ZDHHC15: variants seen among roughly 807,000 people sequenced by gnomAD.
ZDHHC15 encodes the protein zDHHC palmitoyltransferase 15.
Under a neutral mutation model 31.7 loss-of-function variants are expected in ZDHHC15, and 19 were observed. That is an observed-to-expected ratio of 0.60 (90% CI 0.42 to 0.88). The LOEUF (loss-of-function observed/expected upper bound fraction) is 0.88, where lower values mean the gene tolerates loss of function less well. Ranked by LOEUF, ZDHHC15 falls within the 40% of genes least tolerant of loss-of-function variation. The pLI, the probability that ZDHHC15 is intolerant of heterozygous loss-of-function variation, is 0.00. For synonymous variants in ZDHHC15, 103 were observed against 90.0 expected (o/e 1.14, Z -0.82); for missense variants, 209 against 251.2 (o/e 0.83, Z 1.14).
chrX:75,384,600 T>C, intron 10 of ZDHHC15: 1 of 821,047 alleles, frequency 1.2e-6, no homozygotes, highest in East Asian at 3.3e-5. Flanking sequence ...GCAAGATTCT[T>C]GCCAAGAGAA....
chrX:75,440,451 T>C (rs2083923531), intron 4 of ZDHHC15, among the ~76,000 whole-genome samples: 1 of 111,411 alleles, frequency 9.0e-6, no homozygotes, highest in African/African-American at 3.3e-5. Context: ...AGCTAATTTT[T>C]TGTATTTTTA....
rs375190582 is a variant in ZDHHC15, at chrX:75,464,056, C to A, written c.259-13134G>T. ...AACCCAAATGTCCAACAATGATAGA[C>A]TGGATTAAGGAAATGTGGCACATAT... On this transcript the variant is annotated intron_variant, in intron 3 of 11. Coordinates refer to ENST00000373367, the MANE Select transcript of ZDHHC15 (RefSeq NM_144969.3). Among the ~76,000 whole-genome samples, 3 of 111,903 alleles carry A rather than the reference C, an allele frequency of 2.7e-5. No individual in the cohort carries two copies. In the Admixed American group the frequency reaches 2.9e-4, roughly 11 times the overall value.
chrX:75,504,908 C>G (rs757676570), intron 2 of ZDHHC15, among the ~76,000 whole-genome samples: 1 of 111,336 alleles, frequency 9.0e-6, no homozygotes, highest in East Asian at 2.8e-4. Flanking sequence ...CATACATTTA[C>G]TCATTATATC....
intron 10 of ZDHHC15, among the ~76,000 whole-genome samples, chrX:75,399,263 G>T (rs2083330754): frequency 8.9e-6 from 1 of 111,742 alleles, no homozygotes; most frequent in Admixed American, 9.4e-5. Context: ...CCTGGACAGA[G>T]CCTCCAGGGG....
intron 1 of ZDHHC15, among the ~76,000 whole-genome samples, chrX:75,509,307 T>C (rs919286983): frequency 2.7e-5 from 3 of 112,001 alleles, no homozygotes; most frequent in Non-Finnish European, 5.6e-5. Flanking sequence ...CTTCAACATG[T>C]TATCCACATA....
intron 3 of ZDHHC15, among the ~76,000 whole-genome samples, chrX:75,476,677 G>A (rs2084610060): frequency 9.9e-6 from 1 of 101,429 alleles, no homozygotes; most frequent in African/African-American, 3.6e-5. Context: ...ATTTGTGCCT[G>A]TACTCTTTTT....
intron 2 of ZDHHC15, among the ~76,000 whole-genome samples, chrX:75,483,693 C>A (rs1042041576): frequency 7.1e-5 from 8 of 111,948 alleles, no homozygotes; most frequent in African/African-American, 2.6e-4. Flanking sequence ...GGCCAATATG[C>A]CTTGGGGAAT....
At chrX:75,468,296 C>T (rs779591468) in intron 3 of ZDHHC15, among the ~76,000 whole-genome samples, 24 of 111,361 alleles carry the variant, frequency 2.2e-4, no homozygotes, top group Admixed American at 7.6e-4. Flanking sequence ...CCGCCTGCCT[C>T]GGCCTCTCAA....
At chrX:75,515,063 T>C (rs1486954848) in intron 1 of ZDHHC15, among the ~76,000 whole-genome samples, 2 of 111,298 alleles carry the variant, frequency 1.8e-5, no homozygotes, top group Admixed American at 1.9e-4. Flanking sequence ...TAACAGGCTC[T>C]GAAATTGAGG....
Position 75,522,994 on chromosome X carries a change from C to T in ZDHHC15, c.31G>A (p.Gly11Arg), listed in dbSNP as rs747127842. 5.8e-6 allele frequency: 7 copies of T among 1,209,326 alleles called. No homozygotes were observed. The highest frequency in any genetic ancestry group is 5.2e-5 in the African/African-American group (3 of 57,220). MRRGWKMALS[G>R]GLRCCRRVLS... is the part of the protein sequence containing the mutation. ...ACCCGGCGGCAGCACCGCAGCCCCC[C>T]AGACAGAGCCATCTTCCAGCCTCGC... is the stretch of plus-strand genomic sequence containing the variant. The change falls in exon 1 of 12, where the codon GGG (glycine) becomes AGG (arginine). Residue 11 changes from glycine to arginine, a missense_variant. Physicochemically the swap from Gly to Arg is moderately radical, Grantham distance 125. Transcript: ENST00000373367.
intron 3 of ZDHHC15, among the ~76,000 whole-genome samples, chrX:75,455,696 G>T (rs2084208593): frequency 8.9e-6 from 1 of 112,026 alleles, no homozygotes; most frequent in Non-Finnish European, 1.9e-5. Context: ...ATAAAAAAGT[G>T]GGCAAAGGAT....
At position 75,449,465 on chromosome X, in the gene ZDHHC15, G is replaced by C. The variant is rs1229998759; in HGVS notation, c.379+1337C>G. On this transcript the variant is annotated intron_variant, in intron 4 of 11. Coordinates refer to ENST00000373367, the MANE Select transcript of ZDHHC15 (RefSeq NM_144969.3). ...CCCAGATTCAACAATTATCAACATT[G>C]TGTCATTTTTGTTTCACCTATCTCT... Among the ~76,000 whole-genome samples, 3 of 111,394 alleles carry C rather than the reference G, an allele frequency of 2.7e-5. No homozygotes were observed. In the Admixed American group the frequency reaches 2.9e-4, roughly 11 times the overall value.
chrX:75,491,092 G>C (rs2084880589), intron 2 of ZDHHC15, among the ~76,000 whole-genome samples: 1 of 111,390 alleles, frequency 9.0e-6, no homozygotes, highest in Non-Finnish European at 1.9e-5. Context: ...TCTAGAACTA[G>C]AAATACCATT....
intron 3 of ZDHHC15, among the ~76,000 whole-genome samples, chrX:75,454,855 A>C (rs893543268): frequency 8.9e-6 from 1 of 111,765 alleles, no homozygotes; most frequent in Non-Finnish European, 1.9e-5. Context: ...CCACTGCTCA[A>C]TTAAATAAAA....
intron 4 of ZDHHC15, among the ~76,000 whole-genome samples, chrX:75,441,170 A>G (rs2083935006): frequency 8.9e-6 from 1 of 111,940 alleles, no homozygotes; most frequent in Non-Finnish European, 1.9e-5. Context: ...GCTCGTATCT[A>G]TACTTCCCAT....
chrX:75,422,879 T>C (rs1404324400), intron 8 of ZDHHC15, among the ~76,000 whole-genome samples: 1 of 108,318 alleles, frequency 9.2e-6, no homozygotes, highest in Admixed American at 9.9e-5. Flanking sequence ...TATGTATACA[T>C]GTGCCATGCT....
At chrX:75,504,592 T>C (rs1364164341) in intron 2 of ZDHHC15, among the ~76,000 whole-genome samples, 1 of 111,205 alleles carries the variant, frequency 9.0e-6, no homozygotes, top group Non-Finnish European at 1.9e-5. Flanking sequence ...ATCCACAGGA[T>C]TAGAAGGGAC....
chrX:75,459,651 G>T (rs1477430468), intron 3 of ZDHHC15, among the ~76,000 whole-genome samples: 1 of 111,552 alleles, frequency 9.0e-6, no homozygotes, highest in African/African-American at 3.3e-5. Context: ...AATACAGAGA[G>T]AGCTCTGATT....
At chrX:75,432,403 C>T (rs1233042408) in intron 4 of ZDHHC15, among the ~76,000 whole-genome samples, 1 of 111,981 alleles carries the variant, frequency 8.9e-6, no homozygotes, top group Non-Finnish European at 1.9e-5. Context: ...TGATTCAACA[C>T]AATAGACAGT....
Sources: gnomAD v4.1 joint callset for allele counts (sites outside exome capture counted in the v4.1 genomes callset) on GRCh38, gnomAD v4.1.1 for gene constraint, MANE v1.5 for transcripts, NCBI Gene and HGNC (gene_info 2026-07-23, HGNC 2026-07-21) for gene names.